The following MMD2 variants were observed in gnomAD, a reference collection of about 807,000 sequenced individuals.
MMD2 encodes monocyte to macrophage differentiation associated 2.
A neutral mutation model predicts 33.5 loss-of-function variants in MMD2; 30 were observed. The observed-to-expected ratio is 0.90, with a 90% CI of 0.67 to 1.22. The LOEUF is 1.22. Among genes scored for constraint, MMD2 ranks in the 50% most tolerant of loss-of-function variants. The probability of loss-of-function intolerance (pLI) is 0.00; values close to 1 mark genes in which losing one functional copy is unlikely to be tolerated. For synonymous variants in MMD2, 129 were observed against 123.0 expected, an observed-to-expected ratio of 1.05 and a Z score of -0.32; for missense variants, 364 against 325.4, an observed-to-expected ratio of 1.12 and a Z score of -0.91.
At chr7:4,904,669 T>C (rs1254246871), downstream of MMD2, among the ~76,000 whole-genome samples, 4 of 152,308 alleles carry the variant, frequency 2.6e-5, no homozygotes, top group East Asian at 5.8e-4. Context: ...GTTATCCTGC[T>C]GCATCTTCAA....
the MMD2 span, among the ~76,000 whole-genome samples, chr7:4,897,227 T>TA: frequency 0.07 from 8,154 of 117,078 alleles, 593 homozygotes; most frequent in East Asian, 0.21. Context: ...GTGTTATATT[T>TA]AAAAAAAAAA....
At chr7:4,899,676 T>A in the MMD2 span, among the ~76,000 whole-genome samples, 3,349 of 152,238 alleles carry the variant, frequency 0.022, 118 homozygotes, top group African/African-American at 0.076. Flanking sequence ...GATTACAGGC[T>A]TGAGCCACCT....
chr7:4,926,016 G>A (rs553963748), intron 1 of MMD2, among the ~76,000 whole-genome samples: 4 of 152,140 alleles, frequency 2.6e-5, no homozygotes, highest in African/African-American at 9.7e-5. Context: ...ATGTTGGCCA[G>A]GCTGGTCTCA....
intron 1 of MMD2, among the ~76,000 whole-genome samples, chr7:4,936,399 C>T (rs1316998149): frequency 2.6e-5 from 4 of 151,972 alleles, no homozygotes; most frequent in African/African-American, 9.7e-5. Context: ...TTTGGGGGTG[C>T]TGGTCACAGA....
chr7:4,943,400 C>A (rs1414880552), intron 1 of MMD2, among the ~76,000 whole-genome samples: 5 of 152,148 alleles, frequency 3.3e-5, no homozygotes, highest in Non-Finnish European at 7.3e-5. Context: ...GCCTCAGCCT[C>A]CCAAAGTGCT....
intron 1 of MMD2, among the ~76,000 whole-genome samples, chr7:4,930,915 A>G (rs1185996581): frequency 6.6e-6 from 1 of 151,934 alleles, no homozygotes; most frequent in African/African-American, 2.4e-5. Context: ...CAGTGGCGCG[A>G]TCTCGGCTGA....
At chr7:4,912,674 G>C (rs62451399) in intron 4 of MMD2, among the ~76,000 whole-genome samples, 20,251 of 152,040 alleles carry the variant, frequency 0.13, 1,707 homozygotes, top group East Asian at 0.27. Context: ...CTGAGGAAGA[G>C]GGTCCTTTAA....
chr7:4,909,498 A>G (rs890640313), intron 6 of MMD2, among the ~76,000 whole-genome samples: 3 of 151,928 alleles, frequency 2.0e-5, no homozygotes, highest in Non-Finnish European at 4.4e-5. Context: ...GCTGGAGTGC[A>G]GTGGTGCAAT....
the MMD2 span, among the ~76,000 whole-genome samples, chr7:4,893,843 G>A: frequency 4.0e-3 from 613 of 152,274 alleles, 7 homozygotes; most frequent in African/African-American, 0.014. Flanking sequence ...AAACTGTCAT[G>A]ATGCCAGTGG....
rs2115172629 is a variant in MMD2 at position 4,959,107 on chromosome 7, G to C, written c.-90C>G. 9.1e-7 allele frequency: 1 copy of C among 1,101,040 alleles called. No individual in the cohort carries two copies. Among genetic ancestry groups the C allele is most frequent in the East Asian group, 3.4e-5 (1 of 29,744 alleles). The allele number at this position is 1,101,040 out of a possible 1,614,324, so 68.2% of individuals were successfully genotyped here. A position where few individuals can be genotyped will look rare whatever the true frequency, so the allele number is the denominator to read the frequency against. On this transcript the variant is annotated 5_prime_UTR_variant, in exon 1 of 7. Coordinates refer to ENST00000401401, the MANE Select transcript of MMD2 (RefSeq NM_198403.4). ...GCGCGGCGGCGGCAGCAGCAGGTTG[G>C]AGGGCGCGCGGCGGGGGCCAAGGGG...
chr7:4,920,119 C>A (rs1785238213), intron 3 of MMD2, 52 bp downstream of exon 3: 1 of 1,531,798 alleles, frequency 6.5e-7, no homozygotes, highest in South Asian at 1.2e-5. Context: ...TGCCATGGGT[C>A]CCCCTGCCCC....
intron 1 of MMD2, among the ~76,000 whole-genome samples, chr7:4,935,904 G>C (rs1219271041): frequency 6.6e-6 from 1 of 152,130 alleles, no homozygotes; most frequent in African/African-American, 2.4e-5. Flanking sequence ...AAAATTTTGG[G>C]CCGGGCGCGA....
chr7:4,957,637 G>A (rs1344449769), intron 1 of MMD2, among the ~76,000 whole-genome samples: 3 of 147,774 alleles, frequency 2.0e-5, no homozygotes, highest in Admixed American at 6.9e-5. Context: ...CAACAAGAGC[G>A]AGACTCCATC....
the MMD2 span, among the ~76,000 whole-genome samples, chr7:4,895,439 G>A: frequency 4.8e-3 from 727 of 152,280 alleles, 5 homozygotes; most frequent in African/African-American, 0.017. Flanking sequence ...ATTATTTGGC[G>A]GGGTTGCGGT....
At chr7:4,918,236 C>T (rs1218886215) in intron 3 of MMD2, among the ~76,000 whole-genome samples, 1 of 152,174 alleles carries the variant, frequency 6.6e-6, no homozygotes, top group Admixed American at 6.6e-5. Flanking sequence ...CCATAGTGCT[C>T]TGGGATACTT....
chr7:4,898,492 G>T, the MMD2 span, among the ~76,000 whole-genome samples: 1 of 152,238 alleles, frequency 6.6e-6, no homozygotes, highest in Non-Finnish European at 1.5e-5. Flanking sequence ...GATGGGATGG[G>T]ATAGGATAGG....
intron 1 of MMD2, among the ~76,000 whole-genome samples, chr7:4,927,721 A>G (rs1398309809): frequency 6.6e-6 from 1 of 152,132 alleles, no homozygotes; most frequent in Non-Finnish European, 1.5e-5. Context: ...AAACCAAACC[A>G]AAACAAAACA....
rs1018404800 is a variant in MMD2 at position 4,948,519 on chromosome 7, G to A, written c.47+10452C>T. Among the ~76,000 whole-genome samples, 18 of 150,650 alleles carry A rather than the reference G, an allele frequency of 1.2e-4. No individual in the cohort carries two copies. The East Asian group carries it at 3.1e-3, about 26-fold the overall frequency. ...GACTGAATGACAAGAGCGAGACTCC[G>A]TCTCACCGAAAAAAAAAAAAAGAAA... On this transcript the variant is annotated intron_variant, in intron 1 of 6. Coordinates refer to ENST00000401401, the MANE Select transcript of MMD2 (RefSeq NM_198403.4).
At chr7:4,901,836 T>A (rs1001460514), downstream of MMD2, among the ~76,000 whole-genome samples, 1 of 152,262 alleles carries the variant, frequency 6.6e-6, no homozygotes, top group African/African-American at 2.4e-5. Flanking sequence ...ACCAATTACA[T>A]ACATTGCTTT....
Sources: gnomAD v4.1 joint callset for allele counts (sites outside exome capture counted in the v4.1 genomes callset) on GRCh38, gnomAD v4.1.1 for gene constraint, MANE v1.5 for transcripts, NCBI Gene and HGNC (gene_info 2026-07-23, HGNC 2026-07-21) for gene names.